Variants in MMP26 observed in about 807,000 individuals in gnomAD.
The protein encoded by MMP26 is matrix metalloproteinase-26.
In MMP26, 33 loss-of-function variants were observed where a neutral mutation model predicts 31.0. The ratio of observed to expected loss-of-function variants is 1.06; its 90% CI spans 0.81 to 1.42. The LOEUF (loss-of-function observed/expected upper bound fraction) is 1.42. MMP26 is among the 40% of genes most tolerant of loss of function. The pLI is 0.00. For synonymous variants in MMP26, 122 were observed against 114.9 expected (o/e 1.06, Z -0.40); for missense variants, 347 against 316.1 (o/e 1.10, Z -0.74).
chr11:4,986,932 C>CCCTCTCT lies in MMP26; in HGVS notation c.-144-1135_-144-1134insCTCTCTC, dbSNP rs1846903256. 1.7e-3 allele frequency among the ~76,000 whole-genome samples: 104 copies of CCCTCTCT among 60,356 alleles called. 4 individuals are homozygous for CCCTCTCT. Among genetic ancestry groups the CCCTCTCT allele is most frequent in the African/African-American group, 2.6e-3 (37 of 14,166 alleles). The allele number at this position is 60,356 out of a possible 152,430, so 39.6% of individuals were successfully genotyped here. On this transcript the variant is annotated intron_variant, in intron 2 of 7. Coordinates refer to ENST00000380390, the MANE Select transcript of MMP26 (RefSeq NM_021801.5). ...CTCTCTCTCTCTCTCTCTCTCTCTCCCTCTCTCTCTCTCTCTCTCTCTCTC... is the reference window on the plus strand; with the variant it reads ...CTCTCTCTCTCTCTCTCTCTCTCTCCCCTCTCTCTCTCTCTCTCTCTCTCTCTCTCTC...
At position 4,860,064 on chromosome 11, in the gene MMP26, G is replaced by A. The variant is rs753039972; in HGVS notation, c.-145+92723G>A. ...AGACATTGGAATGGCAGAAGGGTAG[G>A]CACTTTATAAGGAAGGGCACAGGGA... On this transcript the variant is annotated intron_variant, in intron 2 of 7. Transcript: ENST00000380390. 2.3e-5 allele frequency: 11 copies of A among 471,182 alleles called. 1 individual carries two copies. Among genetic ancestry groups the A allele is most frequent in the Middle Eastern group, 3.2e-4 (1 of 3,080 alleles). The allele number at this position is 471,182 out of a possible 1,614,324, so 29.2% of individuals were successfully genotyped here.
At chr11:4,828,296 A>G (rs557132569) in intron 2 of MMP26, among the ~76,000 whole-genome samples, 44 of 152,222 alleles carry the variant, frequency 2.9e-4, no homozygotes, top group African/African-American at 1.1e-3. Context: ...TACCTCTAAA[A>G]GTTTCTGAAA....
intron 2 of MMP26, chr11:4,832,567 A>AATTGGACTGGCTTTTGCCATT (rs1849661067): frequency 6.5e-6 from 1 of 152,676 alleles, no homozygotes; most frequent in Admixed American, 6.5e-5. Flanking sequence ...GGGTTTTGCA[A>AATTGGACTGGCTTTTGCCATT]ATTGGACTGG....
chr11:4,734,175 T>C (rs1848207956), intron 1 of MMP26, among the ~76,000 whole-genome samples: 1 of 152,172 alleles, frequency 6.6e-6, no homozygotes, highest in African/African-American at 2.4e-5. Flanking sequence ...AATGGCTTCA[T>C]AAAATGAGTT....
intron 2 of MMP26, among the ~76,000 whole-genome samples, chr11:4,968,922 C>T (rs1012167020): frequency 5.3e-4 from 80 of 152,042 alleles, no homozygotes; most frequent in Non-Finnish European, 3.2e-4. Flanking sequence ...ATACAATTAC[C>T]TTTTTCTTTC....
Position 4,831,984 on chromosome 11 carries a change from T to C in MMP26, c.-145+64643T>C, listed in dbSNP as rs571671201. 5 of 152,354 alleles carry C rather than the reference T, an allele frequency of 3.3e-5. No individual in the cohort carries two copies. The South Asian group carries it at 1.0e-3, about 32-fold the overall frequency. The allele number at this position is 152,354 out of a possible 1,614,324, so 9.4% of individuals were successfully genotyped here. A position where few individuals can be genotyped will look rare whatever the true frequency, so the allele number is the denominator to read the frequency against. ...TTTCTTTACATAGGAAAATATATGT[T>C]ATGCTATTTCTTGACACCTAAGATT... On this transcript the variant is annotated intron_variant, in intron 2 of 7. Coordinates refer to ENST00000380390, the MANE Select transcript of MMP26 (RefSeq NM_021801.5).
chr11:4,900,393 C>A (rs1217917930), intron 2 of MMP26, among the ~76,000 whole-genome samples: 1 of 152,200 alleles, frequency 6.6e-6, no homozygotes, highest in East Asian at 1.9e-4. Flanking sequence ...TGGCCATTTT[C>A]TACTCAAGAA....
chr11:4,841,895 T>C (rs1849801673), intron 2 of MMP26, among the ~76,000 whole-genome samples: 1 of 152,228 alleles, frequency 6.6e-6, no homozygotes, highest in African/African-American at 2.4e-5. Flanking sequence ...ATCACGCCAC[T>C]GCACTGCAGC....
intron 2 of MMP26, chr11:4,871,844 G>T (rs528204957): frequency 3.3e-5 from 5 of 152,058 alleles, no homozygotes; most frequent in Admixed American, 6.6e-5. Context: ...AAATGTAAAG[G>T]TCAGTAATGA....
intron 1 of MMP26, among the ~76,000 whole-genome samples, chr11:4,737,809 G>C (rs1355464542): frequency 1.3e-5 from 2 of 152,074 alleles, no homozygotes; most frequent in Non-Finnish European, 2.9e-5. Context: ...AATTCAAAGT[G>C]GTATTCATTT....
chr11:4,838,928 C>T (rs1024872129), intron 2 of MMP26, among the ~76,000 whole-genome samples: 4 of 152,276 alleles, frequency 2.6e-5, no homozygotes, highest in African/African-American at 4.8e-5. Flanking sequence ...GCCGATGCCG[C>T]GCTGCCCCTG....
chr11:4,969,675 T>C (rs1251138806), intron 2 of MMP26, among the ~76,000 whole-genome samples: 1 of 152,116 alleles, frequency 6.6e-6, no homozygotes, highest in Non-Finnish European at 1.5e-5. Context: ...TCTTTACTCA[T>C]GCACATGTTC....
chr11:4,876,317 T>A (rs1850378505), intron 2 of MMP26: 1 of 152,144 alleles, frequency 6.6e-6, no homozygotes, highest in Non-Finnish European at 1.5e-5. Context: ...CTGGAGGTTT[T>A]TTGTTTGTTT....
intron 2 of MMP26, among the ~76,000 whole-genome samples, chr11:4,782,039 A>G (rs993894190): frequency 6.6e-6 from 1 of 152,204 alleles, no homozygotes; most frequent in African/African-American, 2.4e-5. Context: ...GTATGTCTTT[A>G]TCAGCAGCAT....
intron 1 of MMP26, among the ~76,000 whole-genome samples, chr11:4,765,413 A>C (rs1376769414): frequency 6.6e-6 from 1 of 152,160 alleles, no homozygotes; most frequent in Non-Finnish European, 1.5e-5. Flanking sequence ...TCAAAGACTG[A>C]CAGGTCCTGC....
chr11:4,944,783 T>C (rs1218513370), intron 2 of MMP26: 1 of 152,142 alleles, frequency 6.6e-6, no homozygotes, highest in African/African-American at 2.4e-5. Flanking sequence ...ATATCTTTTT[T>C]TTTTCCTGTT....
chr11:4,983,288 G>A (rs1411439504), intron 2 of MMP26, among the ~76,000 whole-genome samples: 1 of 152,106 alleles, frequency 6.6e-6, no homozygotes, highest in Non-Finnish European at 1.5e-5. Flanking sequence ...CTCTCTATTG[G>A]TAATCCTTCT....
At chr11:4,936,985 T>G (rs1337111744) in intron 2 of MMP26, among the ~76,000 whole-genome samples, 1 of 152,160 alleles carries the variant, frequency 6.6e-6, no homozygotes, top group Non-Finnish European at 1.5e-5. Flanking sequence ...AATTTAACTC[T>G]TCTCTTACTA....
At chr11:4,859,864 C>T (rs1476816374) in intron 2 of MMP26, 5 of 471,078 alleles carry the variant, frequency 1.1e-5, no homozygotes, top group Admixed American at 7.1e-5. Flanking sequence ...CAGCCTTTCA[C>T]CTCTGGAGAC....
Sources: gnomAD v4.1 joint callset for allele counts (sites outside exome capture counted in the v4.1 genomes callset) on GRCh38, gnomAD v4.1.1 for gene constraint, MANE v1.5 for transcripts, NCBI Gene and HGNC (gene_info 2026-07-23, HGNC 2026-07-21) for gene names.